Variants in PKHD1L1 observed in about 807,000 individuals in gnomAD.
PKHD1L1 encodes the protein fibrocystin-L.
A neutral mutation model predicts 462.9 loss-of-function variants in PKHD1L1; 434 were observed. The observed-to-expected ratio is 0.94, with a 90% CI of 0.87 to 1.02. The LOEUF (loss-of-function observed/expected upper bound fraction) is 1.02, where lower values mean the gene tolerates loss of function less well. Among genes scored for constraint, PKHD1L1 ranks in the 50% least tolerant of loss-of-function variants. PKHD1L1 has a pLI of 0.00. For missense variants in PKHD1L1, 5,202 were observed against 5,096.1 expected, an observed-to-expected ratio of 1.02 and a Z score of -0.63; for synonymous variants, 1,781 against 1,750.0, an observed-to-expected ratio of 1.02 and a Z score of -0.44.
rs774470794 is a variant in PKHD1L1 at position 109,491,856 on chromosome 8, TTTC to T, written c.10115-14_10115-12del. ...GTTTTTTGGGGATTTTCTTTCTTTT[TTTC>T]TTTTTTTAAACAGGCATAAGAATAT... is the stretch of plus-strand genomic sequence containing the variant. On this transcript the variant is annotated splice_polypyrimidine_tract_variant and intron_variant, in intron 61 of 77. Transcript: ENST00000378402. The T allele has an allele frequency of 4.3e-5, 66 of 1,538,872 alleles. No homozygotes were observed. In the South Asian group the frequency reaches 7.7e-4, roughly 18 times the overall value.
Position 109,479,543 on chromosome 8 carries a change from C to T in PKHD1L1, c.9090-8C>T, listed in dbSNP as rs1818166085. The T allele has an allele frequency of 6.8e-7, 1 of 1,470,450 alleles. No homozygotes were observed. Among genetic ancestry groups the T allele is most frequent in the Non-Finnish European group, 9.4e-7 (1 of 1,067,242 alleles). 91.1% of individuals were successfully genotyped at this position (1,470,450 alleles called of 1,614,324 possible). A position where few individuals can be genotyped will look rare whatever the true frequency, so the allele number is the denominator to read the frequency against. ...TAATTCATGGAAGTATTTCTCTTCT[C>T]TTTTCAGTTTATGGTCAAATGATTC... On this transcript the variant is annotated splice_polypyrimidine_tract_variant and splice_region_variant and intron_variant, in intron 53 of 77. Transcript: ENST00000378402.
At chr8:109,449,167 C>A (rs1003284006) in intron 39 of PKHD1L1, among the ~76,000 whole-genome samples, 171 bp from the exon 40 acceptor site, 3 of 152,068 alleles carry the variant, frequency 2.0e-5, no homozygotes, top group African/African-American at 7.2e-5. Flanking sequence ...ACACTACAAT[C>A]AAAAGAGATT....
At position 109,510,923 on chromosome 8, in the gene PKHD1L1, G is replaced by C. The variant is rs182583157; in HGVS notation, c.11542G>C (p.Asp3848His). 400 of 1,612,484 alleles carry C rather than the reference G, an allele frequency of 2.5e-4. 1 individual carries two copies. In the African/African-American group the frequency reaches 4.5e-3, roughly 18 times the overall value. Residue 3848 changes from aspartate to histidine, a missense_variant, in exon 71 of 78, where the codon GAT becomes CAT. Transcript: ENST00000378402. ...TCTTCGACTGATGTTGCTTAATGTT[G>C]ATCATAACAAGGTAGGGCAAGATGT... ...QNLRLMLLNV[D>H]HNKAVLVGIF...
At chr8:109,395,462 C>T (rs1251295797) in intron 10 of PKHD1L1, among the ~76,000 whole-genome samples, 1 of 152,014 alleles carries the variant, frequency 6.6e-6, no homozygotes. Context: ...GTGAAACTTC[C>T]TAGAAGTTTA....
chr8:109,413,491 A>T lies in PKHD1L1; in HGVS notation c.2306A>T (p.Lys769Met). Residue 769 changes from lysine (K) to methionine (M), a missense_variant, in exon 21 of 78, where the codon AAG becomes ATG. By Grantham distance (95) the Lys-to-Met change is moderately conservative. Transcript: ENST00000378402. Reference protein sequence around the residue: ...GLKFQYQDNSKITRSTDTQFT... With the variant: ...GLKFQYQDNSMITRSTDTQFT... ...AAATTTCAGTACCAAGACAATAGCA[A>T]GATTACTAGAAGCACTGATACACAG... 1 of 1,579,030 alleles carries T rather than the reference A, an allele frequency of 6.3e-7. No individual in the cohort carries two copies. Among genetic ancestry groups the T allele is most frequent in the South Asian group, 1.2e-5 (1 of 84,626 alleles).
chr8:109,510,813 G>A lies in PKHD1L1; in HGVS notation c.11432G>A (p.Cys3811Tyr). ...QDHGWCAGYTCQRRLSLFHSI... is the reference protein window; with the variant it reads ...QDHGWCAGYTYQRRLSLFHSI... ...CATGGCTGGTGTGCTGGATATACAT[G>A]CCAGAGAAGGCTGTCCCTGTTTCAC... The change falls in exon 71 of 78, where the codon TGC becomes TAC. Residue 3811 changes from cysteine to tyrosine, a missense_variant. By Grantham distance (194) the Cys-to-Tyr change is radical. Transcript: ENST00000378402. 1 of 1,613,202 alleles carries A rather than the reference G, an allele frequency of 6.2e-7. No homozygotes were observed.
intron 29 of PKHD1L1, 60 bp from the exon 30 acceptor site, chr8:109,436,278 A>G (rs751663043): frequency 7.8e-6 from 12 of 1,530,154 alleles, no homozygotes; most frequent in African/African-American, 1.4e-5. Flanking sequence ...TGTTACTAAC[A>G]TTTCTTTTTG....
chr8:109,362,741 C>T, intron 1 of PKHD1L1, 88 bp downstream of exon 1: 2 of 1,380,638 alleles, frequency 1.4e-6, no homozygotes, highest in Non-Finnish European at 2.0e-6. Context: ...GAGGCAGGAC[C>T]ACCTGGCACC....
At chr8:109,455,525 T>C (rs930518454) in intron 45 of PKHD1L1, among the ~76,000 whole-genome samples, 7 of 152,194 alleles carry the variant, frequency 4.6e-5, no homozygotes. Flanking sequence ...GTTTACTTTA[T>C]GTATTTATAT....
At position 109,363,297 on chromosome 8, in the gene PKHD1L1, G is replaced by T. The variant is rs147094085; in HGVS notation, c.73+644G>T. Among the ~76,000 whole-genome samples the T allele has an allele frequency of 5.6e-3, 860 of 152,282 alleles. 2 individuals are homozygous for T. Among genetic ancestry groups the T allele is most frequent in the Non-Finnish European group, 9.2e-3 (626 of 68,018 alleles). ...GTTTCCTACTCTTGGGCTGCCCTGA[G>T]ATATGAATGTGCGGGAATAAGAACA... On this transcript the variant is annotated intron_variant, in intron 1 of 77. Coordinates refer to ENST00000378402, the MANE Select transcript of PKHD1L1 (RefSeq NM_177531.6).
chr8:109,518,752 T>G (rs1376283738), intron 73 of PKHD1L1, among the ~76,000 whole-genome samples: 3 of 152,176 alleles, frequency 2.0e-5, no homozygotes, highest in Admixed American at 2.0e-4. Context: ...ACAAAAGAAT[T>G]TGATCTAATA....
In PKHD1L1 at chr8:109,412,289, A is replaced by G; in HGVS notation, c.2110A>G (p.Thr704Ala). 6.8e-6 allele frequency: 11 copies of G among 1,613,802 alleles called. No homozygotes were observed. The highest frequency in any genetic ancestry group is 9.3e-6 in the Non-Finnish European group (11 of 1,179,770). Residue 704 changes from threonine (T) to alanine (A), a missense_variant, in exon 20 of 78, where the codon ACA becomes GCA. Physicochemically the swap from Thr to Ala is moderately conservative, Grantham distance 58. This residue lies in a region of PKHD1L1 where 4,497 missense variants were observed against 4,336.8 expected (regional missense o/e 1.04). Transcript: ENST00000378402. ...NLEHINRGQK[T>A]AETDAYCGRY... ...GGAACATATTAACAGAGGGCAGAAG[A>G]CAGCTGAAACCGATGCTTACTGTGG...
chr8:109,496,862 A>G (rs1278314026), intron 63 of PKHD1L1, 57 bp from the exon 64 acceptor site: 10 of 1,510,872 alleles, frequency 6.6e-6, no homozygotes, highest in Admixed American at 2.0e-5. Context: ...ACTGCTTATT[A>G]AAACTATATG....
intron 2 of PKHD1L1, among the ~76,000 whole-genome samples, chr8:109,376,567 G>A (rs1811846062): frequency 6.6e-6 from 1 of 152,156 alleles, no homozygotes; most frequent in South Asian, 2.1e-4. Context: ...TGGAAATGCA[G>A]AAATCACACG....
At chr8:109,436,031 A>G (rs929189726) in intron 29 of PKHD1L1, among the ~76,000 whole-genome samples, 1 of 152,236 alleles carries the variant, frequency 6.6e-6, no homozygotes, top group African/African-American at 2.4e-5. Flanking sequence ...TATTCGTAGG[A>G]TGAAGGCACT....
chr8:109,472,514 A>T (rs1003272147), intron 50 of PKHD1L1, among the ~76,000 whole-genome samples: 1 of 152,162 alleles, frequency 6.6e-6, no homozygotes, highest in Non-Finnish European at 1.5e-5. Context: ...AAGAATTAAG[A>T]TTTTTTATTG....
Position 109,443,749 on chromosome 8 carries a change from C to T in PKHD1L1, c.4638C>T (p.Asn1546=). 2 of 1,613,788 alleles carry T rather than the reference C, an allele frequency of 1.2e-6. No individual in the cohort carries two copies. Among genetic ancestry groups the T allele is most frequent in the Non-Finnish European group, 1.7e-6 (2 of 1,179,774 alleles). Residue 1546 remains asparagine (N), a synonymous_variant, in exon 37 of 78, where the codon AAC becomes AAT. Coordinates refer to ENST00000378402, the MANE Select transcript of PKHD1L1 (RefSeq NM_177531.6). ...CAACAGAACCCCTGTGCAGCCTGAA[C>T]AATACCAGGGTTAAAAATTCAAAAA... The part of the protein sequence containing the change: ...CLATEPLCSL[N]NTRVKNSKRL...
At chr8:109,421,511 G>A (rs529245418) in intron 23 of PKHD1L1, among the ~76,000 whole-genome samples, 2 of 152,210 alleles carry the variant, frequency 1.3e-5, no homozygotes, top group Admixed American at 6.5e-5. Context: ...GGCCGGGCGC[G>A]GTGGCTCACG....
At position 109,529,598 on chromosome 8, in the gene PKHD1L1, T is replaced by G. The variant is rs113226805; in HGVS notation, c.12722-482T>G. The stretch of plus-strand genomic sequence containing the variant: ...CTTTACCAAATTAATATAATTCTAT[T>G]CTCAAAGAATTAGTAAATCATATAG... On this transcript the variant is annotated intron_variant, in intron 77 of 77. Coordinates refer to ENST00000378402, the MANE Select transcript of PKHD1L1 (RefSeq NM_177531.6). Among the ~76,000 whole-genome samples, 272 of 152,252 alleles carry G rather than the reference T, an allele frequency of 1.8e-3. 2 individuals are homozygous for G. Among genetic ancestry groups the G allele is most frequent in the African/African-American group, 6.3e-3 (260 of 41,550 alleles).
Sources: allele counts gnomAD v4.1 joint callset (sites outside exome capture counted in the v4.1 genomes callset), GRCh38; gene constraint gnomAD v4.1.1; regional missense constraint gnomAD v4.1.1; transcripts MANE v1.5; gene names NCBI Gene and HGNC (gene_info 2026-07-23, HGNC 2026-07-21).